The following SFXN4 variants were observed in gnomAD, a reference collection of about 807,000 sequenced individuals.
SFXN4 encodes sideroflexin 4.
SFXN4 carries 48 observed loss-of-function variants against 54.6 expected under a neutral mutation model. That is an observed-to-expected ratio of 0.88 (90% CI 0.70 to 1.12). The LOEUF (loss-of-function observed/expected upper bound fraction) is 1.12. Among genes scored for constraint, SFXN4 ranks in the 50% most tolerant of loss-of-function variants. The probability of loss-of-function intolerance (pLI) is 0.00; values close to 1 mark genes in which losing one functional copy is unlikely to be tolerated. For synonymous variants in SFXN4, 130 were observed against 145.5 expected, an observed-to-expected ratio of 0.89 and a Z score of 0.77; for missense variants, 383 against 409.2, an observed-to-expected ratio of 0.94 and a Z score of 0.55.
chr10:119,157,718 C>T lies in SFXN4; in HGVS notation c.487G>A (p.Glu163Lys), dbSNP rs1360817977. 1 of 1,610,412 alleles carries T rather than the reference C, an allele frequency of 6.2e-7. No homozygotes were observed. The highest frequency in any genetic ancestry group is 2.2e-5 in the East Asian group (1 of 44,840). The stretch of plus-strand genomic sequence containing the variant: ...GCTCCCGCCATTAGTAATGATCTTT[C>T]TAGTGGCTTACAAGTCTAAGGAGAA... ...GNRSYTCKPLERSLLMAGAVA... is the reference protein window; with the variant it reads ...GNRSYTCKPLKRSLLMAGAVA... The change falls in exon 9 of 14, where the codon GAA becomes AAA. Residue 163 changes from glutamate (E) to lysine (K), a missense_variant. Glu to Lys is a moderately conservative substitution (Grantham distance 56, BLOSUM62 1). Transcript: ENST00000355697.
At chr10:119,159,399 C>T (rs1301191465) in intron 6 of SFXN4, among the ~76,000 whole-genome samples, 2 of 152,180 alleles carry the variant, frequency 1.3e-5, no homozygotes, top group Non-Finnish European at 2.9e-5. Flanking sequence ...GACTTGGTGG[C>T]CAGGGGTTTG....
At chr10:119,144,423 C>G (rs1846694818) in intron 13 of SFXN4, among the ~76,000 whole-genome samples, 1 of 151,964 alleles carries the variant, frequency 6.6e-6, no homozygotes, top group Non-Finnish European at 1.5e-5. Context: ...CGCCACTGCA[C>G]TCCAGCCTGG....
chr10:119,150,479 C>T (rs540845231), intron 11 of SFXN4, among the ~76,000 whole-genome samples: 4 of 152,190 alleles, frequency 2.6e-5, no homozygotes, highest in African/African-American at 9.6e-5. Flanking sequence ...GAGTTTGAGA[C>T]CAGCCTGGGC....
rs56031432 is a variant in SFXN4 at position 119,146,428 on chromosome 10, C to CGTGTGTGTGTGTGTGTGTGTGTGT, written c.819-99_819-76dup. 25 of 559,674 alleles carry CGTGTGTGTGTGTGTGTGTGTGTGT rather than the reference C, an allele frequency of 4.5e-5. No individual in the cohort carries two copies. The East Asian group carries it at 6.1e-4, about 14-fold the overall frequency. The allele number at this position is 559,674 out of a possible 1,614,324, so 34.7% of individuals were successfully genotyped here. On this transcript the variant is annotated intron_variant, in intron 12 of 13. Coordinates refer to ENST00000355697, the MANE Select transcript of SFXN4 (RefSeq NM_213649.2). ...TATTTTCTGAACAGCTGAATCAGGG[C>CGTGTGTGTGTGTGTGTGTGTGTGT]GTGTGTGTGTGTGTGTGTGTGTGTG...
intron 11 of SFXN4, among the ~76,000 whole-genome samples, chr10:119,148,809 C>A (rs1846929681): frequency 1.3e-5 from 2 of 152,000 alleles, no homozygotes; most frequent in Admixed American, 6.6e-5. Context: ...AACCATGTAC[C>A]CTCAAGGGCA....
chr10:119,150,884 G>A (rs531954817), intron 11 of SFXN4, among the ~76,000 whole-genome samples: 2 of 152,080 alleles, frequency 1.3e-5, no homozygotes, highest in Admixed American at 6.6e-5. Flanking sequence ...AACGTCCACC[G>A]CCGGCAGAAT....
chr10:119,144,035 GA>G (rs1846675558), intron 13 of SFXN4, among the ~76,000 whole-genome samples: 1 of 152,208 alleles, frequency 6.6e-6, no homozygotes, highest in Non-Finnish European at 1.5e-5. Flanking sequence ...TTGCTTGAAT[GA>G]ATGATCCTAC....
chr10:119,145,834 T>C (rs1483547151), intron 13 of SFXN4, among the ~76,000 whole-genome samples: 1 of 152,196 alleles, frequency 6.6e-6, no homozygotes, highest in Non-Finnish European at 1.5e-5. Flanking sequence ...TTTATTATTT[T>C]ATTTTTTTGA....
chr10:119,152,538 G>A (rs1478136903), intron 11 of SFXN4, among the ~76,000 whole-genome samples: 4 of 152,004 alleles, frequency 2.6e-5, no homozygotes, highest in Non-Finnish European at 5.9e-5. Context: ...ACTTACGGGT[G>A]GTTTGTTAGG....
rs139805254 is a variant in SFXN4 at position 119,147,380 on chromosome 10, G to A, written c.818+395C>T. On this transcript the variant is annotated intron_variant, in intron 12 of 13. Coordinates refer to ENST00000355697, the MANE Select transcript of SFXN4 (RefSeq NM_213649.2). ...TCTTAAAAGGGATGGATCTGAATTC[G>A]GAGTCGCTGAAGCTCATTTAAAACA... Among the ~76,000 whole-genome samples, 46 of 152,310 alleles carry A rather than the reference G, an allele frequency of 3.0e-4. 1 individual carries two copies. In the East Asian group the frequency reaches 7.9e-3, roughly 26 times the overall value.
chr10:119,146,196 ATAAAAAACTTT>A, intron 13 of SFXN4, 29 bp downstream of exon 13: 1 of 1,121,618 alleles, frequency 8.9e-7, no homozygotes, highest in East Asian at 2.4e-5. Context: ...TAACTGCAAA[ATAAAAAACTTT>A]GAGAGAAAAG....
intron 3 of SFXN4, 123 bp from the exon 4 acceptor site, chr10:119,161,204 G>A (rs1488851323): frequency 1.1e-5 from 10 of 878,890 alleles, no homozygotes; most frequent in Admixed American, 4.5e-5. Context: ...GAACAGCCTC[G>A]AACTACTGGG....
intron 10 of SFXN4, among the ~76,000 whole-genome samples, chr10:119,155,775 G>A (rs1037386116): frequency 1.3e-5 from 2 of 152,202 alleles, no homozygotes; most frequent in African/African-American, 4.8e-5. Context: ...TTCCAGGTGT[G>A]AGCCGCCATG....
intron 11 of SFXN4, 91 bp from the exon 12 acceptor site, chr10:119,147,951 G>C (rs898723086): frequency 2.1e-6 from 2 of 948,634 alleles, no homozygotes; most frequent in Non-Finnish European, 3.3e-6. Context: ...CGGGTAGATC[G>C]CTTGAGGTCA....
intron 13 of SFXN4, among the ~76,000 whole-genome samples, chr10:119,145,672 TATAAA>T (rs1378335241): frequency 2.6e-5 from 4 of 152,138 alleles, no homozygotes; most frequent in Non-Finnish European, 4.4e-5. Context: ...ACATATAAAA[TATAAA>T]ATATGTGTTA....
chr10:119,143,363 CCTA>C (rs1846638467), intron 13 of SFXN4, among the ~76,000 whole-genome samples: 1 of 151,928 alleles, frequency 6.6e-6, no homozygotes, highest in African/African-American at 2.4e-5. Context: ...GCCGCTTCAC[CCTA>C]CTAATTTTTT....
At chr10:119,158,615 CAAAA>C (rs35982987) in intron 6 of SFXN4, among the ~76,000 whole-genome samples, 120 of 65,702 alleles carry the variant, frequency 1.8e-3, no homozygotes, top group Middle Eastern at 0.013. Flanking sequence ...GACTCCGTCT[CAAAA>C]AAAAAAAAAA....
chr10:119,146,400 G>A (rs1258893100), intron 12 of SFXN4, 47 bp from the exon 13 acceptor site: 2 of 1,194,416 alleles, frequency 1.7e-6, no homozygotes. Context: ...AACTATCAGG[G>A]CTTATTTTCT....
Position 119,147,796 on chromosome 10 carries a change from A to C in SFXN4, c.797T>G (p.Val266Gly), listed in dbSNP as rs774197352. Residue 266 changes from valine (V) to glycine (G), a missense_variant, in exon 12 of 14, where the codon GTC becomes GGC. Coordinates refer to ENST00000355697, the MANE Select transcript of SFXN4 (RefSeq NM_213649.2). The stretch of plus-strand genomic sequence containing the variant: ...TTACCTTTTAAAAAAGTAGGTGAAG[A>C]CTTCAGGAATCAGAGCTGAGGTCCC... ...LFGTSALIPE[V>G]FTYFFKRTQY... The C allele has an allele frequency of 1.2e-6, 2 of 1,614,068 alleles. No homozygotes were observed. Among genetic ancestry groups the C allele is most frequent in the Admixed American group, 3.3e-5 (2 of 60,018 alleles).
Sources: gnomAD v4.1 joint callset for allele counts (sites outside exome capture counted in the v4.1 genomes callset) on GRCh38, gnomAD v4.1.1 for gene constraint, MANE v1.5 for transcripts, NCBI Gene and HGNC (gene_info 2026-07-23, HGNC 2026-07-21) for gene names.